The following LOC128462377 variants were observed in gnomAD, a reference collection of about 807,000 sequenced individuals.
At chr16:89,342,086 T>TGGCAGGAGTG in the LOC128462377 span, among the ~76,000 whole-genome samples, 1 of 81,208 alleles carries the variant, frequency 1.2e-5, no homozygotes, top group African/African-American at 5.3e-5. Context: ...CGCCCACAGC[T>TGGCAGGAGTG]CTGCTTCCCA....
the LOC128462377 span, among the ~76,000 whole-genome samples, chr16:89,337,935 C>A: frequency 1.3e-5 from 2 of 152,220 alleles, no homozygotes; most frequent in Admixed American, 1.3e-4. Flanking sequence ...GCTGCAAGCA[C>A]CTGCTGAGCA....
the LOC128462377 span, among the ~76,000 whole-genome samples, chr16:89,364,480 C>G: frequency 6.6e-6 from 1 of 152,186 alleles, no homozygotes; most frequent in Non-Finnish European, 1.5e-5. Context: ...AGATTTAACT[C>G]CAGAGCAGAG....
At chr16:89,341,404 G>C in the LOC128462377 span, among the ~76,000 whole-genome samples, 2 of 152,202 alleles carry the variant, frequency 1.3e-5, no homozygotes, top group African/African-American at 4.8e-5. Flanking sequence ...GGAGGGATAA[G>C]GCCCCAACGT....
the LOC128462377 span, among the ~76,000 whole-genome samples, chr16:89,322,798 C>A: frequency 6.6e-6 from 1 of 152,262 alleles, no homozygotes; most frequent in South Asian, 2.1e-4. Context: ...GGCCTGCCTG[C>A]AGCACACGGC....
chr16:89,380,470 G>T, the LOC128462377 span, among the ~76,000 whole-genome samples: 1 of 152,156 alleles, frequency 6.6e-6, no homozygotes, highest in African/African-American at 2.4e-5. Flanking sequence ...TGAGCCTTCA[G>T]ATAGCTTCCT....
chr16:89,407,684 CAT>C, the LOC128462377 span, among the ~76,000 whole-genome samples: 19 of 150,794 alleles, frequency 1.3e-4, no homozygotes, highest in East Asian at 2.0e-4. Flanking sequence ...CACACACACA[CAT>C]AGACACACAC....
At chr16:89,353,342 CA>C in the LOC128462377 span, among the ~76,000 whole-genome samples, 18 of 142,026 alleles carry the variant, frequency 1.3e-4, no homozygotes, top group Non-Finnish European at 1.5e-4. Context: ...ACTCCAACTC[CA>C]AAAAAAAAGA....
chr16:89,347,163 A>G, the LOC128462377 span, among the ~76,000 whole-genome samples: 1 of 152,112 alleles, frequency 6.6e-6, no homozygotes, highest in Admixed American at 6.5e-5. Flanking sequence ...AGCTTGCTGA[A>G]ATGGAAATGT....
At chr16:89,387,957 G>A in the LOC128462377 span, among the ~76,000 whole-genome samples, 5 of 149,836 alleles carry the variant, frequency 3.3e-5, no homozygotes, top group Admixed American at 6.7e-5. Flanking sequence ...AGGCTGCAGT[G>A]AGCCGAGATG....
chr16:89,358,265 A>G, the LOC128462377 span, among the ~76,000 whole-genome samples: 1 of 152,242 alleles, frequency 6.6e-6, no homozygotes, highest in African/African-American at 2.4e-5. Flanking sequence ...CGGCTTGCAG[A>G]AGACGTAGAG....
chr16:89,354,638 T>C, the LOC128462377 span, among the ~76,000 whole-genome samples: 1 of 152,140 alleles, frequency 6.6e-6, no homozygotes, highest in South Asian at 2.1e-4. Flanking sequence ...TCCCAGCACT[T>C]TGGGAGGCCG....
At chr16:89,399,680 C>T in the LOC128462377 span, among the ~76,000 whole-genome samples, 1 of 152,186 alleles carries the variant, frequency 6.6e-6, no homozygotes, top group Non-Finnish European at 1.5e-5. Context: ...ACACTGTCTC[C>T]AGGGCGGTCG....
At chr16:89,365,147 T>C in the LOC128462377 span, among the ~76,000 whole-genome samples, 1 of 152,208 alleles carries the variant, frequency 6.6e-6, no homozygotes, top group Non-Finnish European at 1.5e-5. Context: ...TCCTTTTTAC[T>C]AGATGATTAA....
the LOC128462377 span, among the ~76,000 whole-genome samples, chr16:89,381,354 A>AAAAAG: frequency 7.2e-5 from 9 of 125,342 alleles, no homozygotes; most frequent in African/African-American, 3.0e-4. Flanking sequence ...AAAAAAAAAA[A>AAAAAG]GGGGTGAGAA....
chr16:89,406,575 C>T, the LOC128462377 span, among the ~76,000 whole-genome samples: 3 of 152,164 alleles, frequency 2.0e-5, no homozygotes, highest in Non-Finnish European at 4.4e-5. Context: ...GATGTGCTTC[C>T]CCAGTGCTTA....
At chr16:89,317,819 C>T in the LOC128462377 span, among the ~76,000 whole-genome samples, 3 of 151,950 alleles carry the variant, frequency 2.0e-5, no homozygotes, top group Admixed American at 2.0e-4. Context: ...AGTTTCTGGC[C>T]AGGGAGAGAC....
the LOC128462377 span, among the ~76,000 whole-genome samples, chr16:89,340,142 A>G: frequency 6.6e-6 from 1 of 152,268 alleles, no homozygotes; most frequent in African/African-American, 2.4e-5. Context: ...TCTAAAGTTT[A>G]TAACTAGAAA....
chr16:89,394,861 A>G, the LOC128462377 span, among the ~76,000 whole-genome samples: 2 of 152,124 alleles, frequency 1.3e-5, no homozygotes, highest in Non-Finnish European at 2.9e-5. Flanking sequence ...CTCATTTCCA[A>G]TTAAGGCAGG....
At chr16:89,413,985 G>A in the LOC128462377 span, among the ~76,000 whole-genome samples, 1 of 152,162 alleles carries the variant, frequency 6.6e-6, no homozygotes, top group South Asian at 2.1e-4. Context: ...GAGGGGGCTC[G>A]GCTCTGGCTG....
Sources: allele counts gnomAD v4.1 joint callset (sites outside exome capture counted in the v4.1 genomes callset), GRCh38; gene constraint gnomAD v4.1.1; transcripts MANE v1.5.